FLNA: variants seen among roughly 807,000 people sequenced by gnomAD.
FLNA encodes filamin-A.
Under a neutral mutation model 157.6 loss-of-function variants are expected in FLNA, and 7 were observed. The observed-to-expected ratio is 0.04, with a 90% CI of 0.03 to 0.08. FLNA has a LOEUF of 0.08. FLNA is among the 10% of genes least tolerant of loss of function. The probability of loss-of-function intolerance (pLI) is 1.00; values close to 1 mark genes in which losing one functional copy is unlikely to be tolerated. For missense variants in FLNA, 1,750 were observed against 2,398.4 expected (o/e 0.73, Z 5.65); for synonymous variants, 1,103 against 1,060.8 (o/e 1.04, Z -0.77).
Position 154,348,931 on chromosome X carries a change from T to C in FLNA, c.7862A>G (p.Lys2621Arg), listed in dbSNP as rs782302420. Residue 2621 changes from lysine (K) to arginine (R), a missense_variant, in exon 48 of 48, where the codon AAG (lysine) becomes AGG (arginine). By Grantham distance (26) the Lys-to-Arg change is conservative. Transcript: ENST00000369850. ...SRLYSVSYLLKDKGEYTLVVK... is the reference protein window; with the variant it reads ...SRLYSVSYLLRDKGEYTLVVK... Reference sequence around the variant, plus strand: ...CACCAGTGTGTACTCCCCCTTGTCCTTGAGCAGGTAGGACACGCTGTAGAG... The same window carrying C: ...CACCAGTGTGTACTCCCCCTTGTCCCTGAGCAGGTAGGACACGCTGTAGAG... The C allele has an allele frequency of 5.0e-6, 6 of 1,209,771 alleles. No homozygotes were observed. In the African/African-American group the frequency reaches 1.0e-4, roughly 21 times the overall value.
chrX:154,359,192 C>G lies in FLNA; in HGVS notation c.4304-38G>C, dbSNP rs1232140639. On this transcript the variant is annotated intron_variant, in intron 25 of 47. Transcript: ENST00000369850. ...GCAAAGGGATGGCGGCTGTATGAGACAGGGTGGGGACGAGCAGACAGTCCC... is the reference window on the plus strand; with the variant it reads ...GCAAAGGGATGGCGGCTGTATGAGAGAGGGTGGGGACGAGCAGACAGTCCC... 5 of 1,209,755 alleles carry G rather than the reference C, an allele frequency of 4.1e-6. No homozygotes were observed. The African/African-American group carries it at 8.7e-5, about 21-fold the overall frequency.
At chrX:154,359,195 G>A in intron 25 of FLNA, 41 bp from the exon 26 acceptor site, 1 of 1,210,719 alleles carries the variant, frequency 8.3e-7, no homozygotes, top group Non-Finnish European at 1.1e-6. Flanking sequence ...TATGAGACAG[G>A]GTGGGGACGA....
At chrX:154,365,584 A>G in intron 9 of FLNA, 98 bp from the exon 10 acceptor site, 1 of 1,013,276 alleles carries the variant, frequency 9.9e-7, no homozygotes, top group Non-Finnish European at 1.4e-6. Flanking sequence ...TGGGTCCCTC[A>G]GAGCTTGGCT....
rs781809353 is a variant in FLNA at position 154,354,014 on chromosome X, C to T, written c.5587G>A (p.Val1863Ile). ...TAGGCAGTGACATGGCCACAGTTGA[C>T]GTAATCCACATAGAACTGCAAGGGG... ...GSPLQFYVDY[V>I]NCGHVTAYGP... is the part of the protein sequence containing the mutation. Residue 1863 changes from valine to isoleucine, a missense_variant, in exon 35 of 48, where the codon GTC (valine) becomes ATC (isoleucine). Transcript: ENST00000369850. 4.1e-6 allele frequency: 5 copies of T among 1,210,677 alleles called. No individual in the cohort carries two copies. The highest frequency in any genetic ancestry group is 2.2e-5 in the Admixed American group (1 of 45,952).
Position 154,354,429 on chromosome X carries a change from G to C in FLNA, c.5368C>G (p.Pro1790Ala), listed in dbSNP as rs1557176457. Residue 1790 changes from proline to alanine, a missense_variant, in exon 33 of 48, where the codon CCC becomes GCC. Transcript: ENST00000369850. Reference sequence around the variant, plus strand: ...GTGAAGGGGATGACAAGGTCAAAGGGCCTCAGGCTGGTCACATCCAGCCCA... The same window carrying C: ...GTGAAGGGGATGACAAGGTCAAAGGCCCTCAGGCTGGTCACATCCAGCCCA... Reference protein sequence around the residue: ...VNGLDVTSLRPFDLVIPFTIK... With the variant: ...VNGLDVTSLRAFDLVIPFTIK... 8.3e-7 allele frequency: 1 copy of C among 1,211,750 alleles called. No homozygotes were observed. Among genetic ancestry groups the C allele is most frequent in the Admixed American group, 2.2e-5 (1 of 46,167 alleles).
chrX:154,354,967 T>C lies in FLNA; in HGVS notation c.5075A>G (p.Asp1692Gly). 8.2e-7 allele frequency: 1 copy of C among 1,212,165 alleles called. No homozygotes were observed. The highest frequency in any genetic ancestry group is 1.1e-6 in the Non-Finnish European group (1 of 895,600). ...GKVTCTVCTP[D>G]GSEVDVDVVE... ...CACGTCCACATCCACCTCTGAGCCA[T>C]CAGGCGTGCACACGGTGCACGTCAC... Residue 1692 changes from aspartate to glycine, a missense_variant, in exon 31 of 48, where the codon GAT becomes GGT. Physicochemically the swap from Asp to Gly is moderately conservative, Grantham distance 94. This residue lies in a region of FLNA where 970 missense variants were observed against 1,302.6 expected (regional missense o/e 0.74). Transcript: ENST00000369850.
chrX:154,361,193 A>T, intron 21 of FLNA, 115 bp downstream of exon 21: 1 of 690,222 alleles, frequency 1.4e-6, no homozygotes, highest in Non-Finnish European at 2.1e-6. Flanking sequence ...AGTCTGTCTC[A>T]GGAAAAAAAA....
chrX:154,351,193 C>T, intron 43 of FLNA, 152 bp from the exon 44 acceptor site: 2 of 564,922 alleles, frequency 3.5e-6, no homozygotes, highest in Admixed American at 5.5e-5. Context: ...TTGCAAGGGG[C>T]AGCAAGCCAC....
chrX:154,357,688 G>T (rs1360777233), intron 28 of FLNA, 65 bp from the exon 29 acceptor site: 3 of 1,010,997 alleles, frequency 3.0e-6, no homozygotes, highest in Middle Eastern at 2.5e-4. Flanking sequence ...TGCCTCAGGC[G>T]CTCCCAGAGT....
intron 2 of FLNA, among the ~76,000 whole-genome samples, chrX:154,368,633 T>C (rs2067781172): frequency 9.0e-6 from 1 of 111,195 alleles, no homozygotes; most frequent in African/African-American, 3.3e-5. Flanking sequence ...GCAGGGGAAG[T>C]GGGGGAGTTG....
intron 15 of FLNA, among the ~76,000 whole-genome samples, chrX:154,363,575 G>A (rs782175003): frequency 5.9e-4 from 65 of 110,210 alleles, no homozygotes; most frequent in Admixed American, 5.5e-3. Context: ...TTAGCCGGGG[G>A]GGTGGCGGGC....
Position 154,362,104 on chromosome X carries a change from C to A in FLNA, c.2701G>T (p.Ala901Ser). 2 of 1,211,741 alleles carry A rather than the reference C, an allele frequency of 1.7e-6. No homozygotes were observed. Among genetic ancestry groups the A allele is most frequent in the Non-Finnish European group, 2.2e-6 (2 of 895,368 alleles). ...KPTHFTVNAKAAGKGKLDVQF... is the reference protein window; with the variant it reads ...KPTHFTVNAKSAGKGKLDVQF... The stretch of plus-strand genomic sequence containing the variant: ...ACGTCCAGCTTGCCTTTGCCAGCAG[C>A]TTTGGCATTTACTGTGAAGTGGGTG... The change falls in exon 19 of 48, where the codon GCT becomes TCT. Residue 901 changes from alanine (A) to serine (S), a missense_variant. Physicochemically the swap from Ala to Ser is moderately conservative, Grantham distance 99. Transcript: ENST00000369850.
In FLNA at chrX:154,366,653, G is replaced by A. The variant is rs376231330; in HGVS notation, c.988-14C>T. On this transcript the variant is annotated splice_polypyrimidine_tract_variant and intron_variant, in intron 6 of 47. Transcript: ENST00000369850. Reference sequence around the variant, plus strand: ...GGTCACTTTTGCCTGCAGTGGGAAGGAGCCTGTGAGCCTTTGCTAAGAGCA... The same window carrying A: ...GGTCACTTTTGCCTGCAGTGGGAAGAAGCCTGTGAGCCTTTGCTAAGAGCA... The A allele has an allele frequency of 4.1e-6, 5 of 1,208,396 alleles. No homozygotes were observed. Among genetic ancestry groups the A allele is most frequent in the African/African-American group, 1.7e-5 (1 of 57,900 alleles).
chrX:154,350,806 G>A (rs1377617394), intron 44 of FLNA, 103 bp downstream of exon 44: 16 of 1,008,429 alleles, frequency 1.6e-5, no homozygotes, highest in Non-Finnish European at 2.1e-5. Flanking sequence ...CCCAGGAGTT[G>A]GGGCCCCGTC....
At position 154,358,975 on chromosome X, in the gene FLNA, A is replaced by G; in HGVS notation, c.4474+9T>C. ...CCTGACCCCTGGCTCCAGGCATGCA[A>G]ACACTCACCTTTGGGCCCTTGCACT... On this transcript the variant is annotated intron_variant, in intron 26 of 47. Transcript: ENST00000369850. The G allele has an allele frequency of 8.3e-7, 1 of 1,210,218 alleles. No homozygotes were observed.
In FLNA at chrX:154,350,291, G is replaced by C; in HGVS notation, c.7157-84C>G. ...GTCTGTGAGGAACAGCCTCAACCCT[G>C]GCCCTCCCCATTTTGCCGGTCCATC... is the stretch of plus-strand genomic sequence containing the variant. On this transcript the variant is annotated intron_variant, in intron 44 of 47. Transcript: ENST00000369850. The C allele has an allele frequency of 3.3e-6, 3 of 920,338 alleles. No individual in the cohort carries two copies. The South Asian group carries it at 6.0e-5, about 18-fold the overall frequency. The allele number at this position is 920,338 out of a possible 1,213,427, so 75.8% of individuals were successfully genotyped here.
chrX:154,366,551 C>A lies in FLNA; in HGVS notation c.1065+11G>T. ...TGAGGTCACAAGCCTCCCCCCTGGC[C>A]AAGGGCTCACCTTATGAGTCCCCGT... On this transcript the variant is annotated intron_variant, in intron 7 of 47. Transcript: ENST00000369850. 3.3e-6 allele frequency: 4 copies of A among 1,210,795 alleles called. No individual in the cohort carries two copies. Among genetic ancestry groups the A allele is most frequent in the Non-Finnish European group, 4.5e-6 (4 of 894,209 alleles).
At position 154,360,453 on chromosome X, in the gene FLNA, G is replaced by A. The variant is rs1569551681; in HGVS notation, c.3342C>T (p.Cys1114=). The change falls in exon 22 of 48, where the codon TGC becomes TGT. Residue 1114 remains cysteine, a synonymous_variant. Coordinates refer to ENST00000369850, the MANE Select transcript of FLNA (RefSeq NM_001110556.2). ...VEGPCEAQLE[C]LDNGDGTCSV... ...AACATGTGCCATCCCCATTGTCCAA[G>A]CACTCGAGCTGCGCCTCACAGGGGC... 8.3e-7 allele frequency: 1 copy of A among 1,211,713 alleles called. No individual in the cohort carries two copies.
chrX:154,352,152 G>A, intron 41 of FLNA, 29 bp downstream of exon 41: 1 of 1,209,805 alleles, frequency 8.3e-7, no homozygotes, highest in Non-Finnish European at 1.1e-6. Context: ...ACGCAGGAGA[G>A]CGAGCACTCG....
Sources: gnomAD v4.1 joint callset for allele counts (sites outside exome capture counted in the v4.1 genomes callset) on GRCh38, gnomAD v4.1.1 for gene constraint, gnomAD v4.1.1 regional missense constraint, MANE v1.5 for transcripts, NCBI Gene and HGNC (gene_info 2026-07-23, HGNC 2026-07-21) for gene names.